GPC5: variants seen among roughly 807,000 people sequenced by gnomAD.
The protein encoded by GPC5 is glypican-5.
GPC5 carries 47 observed loss-of-function variants against 53.9 expected under a neutral mutation model. That is an observed-to-expected ratio of 0.87 (90% CI 0.69 to 1.11). GPC5 has a LOEUF of 1.11. Ranked by LOEUF, GPC5 falls within the 50% of genes most tolerant of loss-of-function variation. The pLI is 0.00. For missense variants in GPC5, 748 were observed against 713.1 expected (o/e 1.05, Z -0.56); for synonymous variants, 286 against 263.3 (o/e 1.09, Z -0.84).
intron 2 of GPC5, among the ~76,000 whole-genome samples, chr13:91,524,025 C>G (rs942792414): frequency 6.6e-6 from 1 of 151,796 alleles, no homozygotes; most frequent in African/African-American, 2.4e-5. Context: ...AATGTGAATA[C>G]TATAATAAAT....
intron 5 of GPC5, among the ~76,000 whole-genome samples, chr13:91,810,394 T>G (rs1478417491): frequency 6.6e-6 from 1 of 151,976 alleles, no homozygotes; most frequent in Non-Finnish European, 1.5e-5. Flanking sequence ...ATACCTTATG[T>G]TATAGTGCCA....
chr13:91,521,884 A>C lies in GPC5; in HGVS notation c.325+72962A>C, dbSNP rs538251815. Among the ~76,000 whole-genome samples the C allele has an allele frequency of 4.6e-5, 7 of 152,318 alleles. No homozygotes were observed. The East Asian group carries it at 1.3e-3, about 29-fold the overall frequency. On this transcript the variant is annotated intron_variant, in intron 2 of 7. Coordinates refer to ENST00000377067, the MANE Select transcript of GPC5 (RefSeq NM_004466.6). ...GTGCCTATAACTGACTGGCTCTAAA[A>C]TGGGGTTCCCATGCCACTGCCCTAC...
chr13:91,493,665 G>C (rs757821151), intron 2 of GPC5, among the ~76,000 whole-genome samples: 3 of 152,096 alleles, frequency 2.0e-5, no homozygotes, highest in Non-Finnish European at 4.4e-5. Context: ...AAATTGTGCT[G>C]TATCTCCCTT....
chr13:92,166,952 TCTCTCACACACACACACA>T (rs1212401368), intron 7 of GPC5, among the ~76,000 whole-genome samples: 24 of 63,258 alleles, frequency 3.8e-4, no homozygotes, highest in Admixed American at 1.7e-3. Context: ...TCTCTCTCTC[TCTCTCACACACACACACA>T]CACACACACA....
At position 91,401,188 on chromosome 13, in the gene GPC5, G is replaced by A. The variant is rs544539894; in HGVS notation, c.163+1979G>A. Among the ~76,000 whole-genome samples, 11 of 151,988 alleles carry A rather than the reference G, an allele frequency of 7.2e-5. 1 individual carries two copies. In the South Asian group the frequency reaches 2.3e-3, roughly 32 times the overall value. ...CCCCCCAAAAAAGGCATTCATATAGGAATTTGATATAATTCTGAAGTTTTG... is the reference window on the plus strand; with the variant it reads ...CCCCCCAAAAAAGGCATTCATATAGAAATTTGATATAATTCTGAAGTTTTG... On this transcript the variant is annotated intron_variant, in intron 1 of 7. Coordinates refer to ENST00000377067, the MANE Select transcript of GPC5 (RefSeq NM_004466.6).
intron 2 of GPC5, among the ~76,000 whole-genome samples, chr13:91,457,153 G>GC (rs1881618835): frequency 6.6e-6 from 1 of 151,556 alleles, no homozygotes; most frequent in Non-Finnish European, 1.5e-5. Flanking sequence ...TTTTTGATAG[G>GC]GCTTTTTTCA....
intron 2 of GPC5, among the ~76,000 whole-genome samples, chr13:91,634,743 G>A (rs2034244563): frequency 6.6e-6 from 1 of 151,980 alleles, no homozygotes; most frequent in African/African-American, 2.4e-5. Flanking sequence ...GCATCGTGAT[G>A]GCTATAGGGC....
chr13:91,681,393 G>C (rs902113996), intron 2 of GPC5, among the ~76,000 whole-genome samples: 1 of 152,144 alleles, frequency 6.6e-6, no homozygotes, highest in African/African-American at 2.4e-5. Context: ...ATTAGGAAGA[G>C]GTTGGCAGAA....
At chr13:92,537,785 A>G in intron 7 of GPC5, among the ~76,000 whole-genome samples, 1 of 152,156 alleles carries the variant, frequency 6.6e-6, no homozygotes, top group South Asian at 2.1e-4. Flanking sequence ...AAACCTTAAG[A>G]TACAAAGTTG....
intron 5 of GPC5, among the ~76,000 whole-genome samples, chr13:91,836,734 C>T (rs1322375445): frequency 6.6e-6 from 1 of 151,844 alleles, no homozygotes; most frequent in Non-Finnish European, 1.5e-5. Context: ...CACTCACATC[C>T]TTCCAAATCC....
At chr13:91,888,317 A>G (rs541925890) in intron 5 of GPC5, among the ~76,000 whole-genome samples, 1 of 152,298 alleles carries the variant, frequency 6.6e-6, no homozygotes, top group South Asian at 2.1e-4. Flanking sequence ...CTCCCAGGAC[A>G]CGTGGGGATT....
chr13:92,607,853 G>T (rs908944417), intron 7 of GPC5, among the ~76,000 whole-genome samples: 1 of 152,128 alleles, frequency 6.6e-6, no homozygotes, highest in East Asian at 1.9e-4. Context: ...GAATTCTGCA[G>T]GCGCTTTACA....
intron 7 of GPC5, among the ~76,000 whole-genome samples, chr13:92,247,628 A>T (rs1339072507): frequency 6.6e-6 from 1 of 152,146 alleles, no homozygotes; most frequent in Non-Finnish European, 1.5e-5. Context: ...ATAGGAGGTG[A>T]TCAAAAGGAC....
chr13:91,662,610 C>G (rs1193350359), intron 2 of GPC5, among the ~76,000 whole-genome samples: 1 of 151,872 alleles, frequency 6.6e-6, no homozygotes, highest in Non-Finnish European at 1.5e-5. Flanking sequence ...TAATCTTGTT[C>G]CCTCATTCAG....
intron 7 of GPC5, among the ~76,000 whole-genome samples, chr13:92,585,541 T>A (rs1472488626): frequency 6.6e-6 from 1 of 152,174 alleles, no homozygotes; most frequent in Non-Finnish European, 1.5e-5. Flanking sequence ...TTGCCTTGTC[T>A]CAGATGAGAC....
At position 92,391,225 on chromosome 13, in the gene GPC5, A is replaced by AT. The variant is rs575953760; in HGVS notation, c.1561+246243dup. Among the ~76,000 whole-genome samples, 331 of 152,116 alleles carry AT rather than the reference A, an allele frequency of 2.2e-3. 1 individual carries two copies. Among genetic ancestry groups the AT allele is most frequent in the Non-Finnish European group, 1.5e-3 (99 of 67,958 alleles). On this transcript the variant is annotated intron_variant, in intron 7 of 7. Transcript: ENST00000377067. ...ATTAATATCATTAATTCTCCAACCC[A>AT]TTTTTTTAGTTGCCACTTTTGCAAC... is the stretch of plus-strand genomic sequence containing the variant.
At chr13:91,692,029 G>A (rs2035768394) in intron 2 of GPC5, among the ~76,000 whole-genome samples, 1 of 152,038 alleles carries the variant, frequency 6.6e-6, no homozygotes, top group African/African-American at 2.4e-5. Flanking sequence ...GTTGCTTAAT[G>A]CCTCATTTTG....
chr13:92,847,671 T>C (rs1281898424), intron 7 of GPC5, among the ~76,000 whole-genome samples: 21 of 152,056 alleles, frequency 1.4e-4, no homozygotes, highest in Admixed American at 1.3e-3. Flanking sequence ...TAGTTCTTTA[T>C]AGCAATGTGA....
intron 5 of GPC5, among the ~76,000 whole-genome samples, chr13:91,829,847 G>C (rs2038628614): frequency 6.6e-6 from 1 of 152,004 alleles, no homozygotes; most frequent in African/African-American, 2.4e-5. Context: ...GTACGAATAG[G>C]GTGTGGGTCA....
Sources: allele counts gnomAD v4.1 joint callset (sites outside exome capture counted in the v4.1 genomes callset), GRCh38; gene constraint gnomAD v4.1.1; transcripts MANE v1.5; gene names NCBI Gene and HGNC (gene_info 2026-07-23, HGNC 2026-07-21).